Variants in GRIK2 observed in about 807,000 individuals in gnomAD.
GRIK2 encodes glutamate receptor ionotropic, kainate 2.
In GRIK2, 32 loss-of-function variants were observed where a neutral mutation model predicts 100.3. That is an observed-to-expected ratio of 0.32 (90% CI 0.24 to 0.43). The LOEUF (loss-of-function observed/expected upper bound fraction) is 0.43. Ranked by LOEUF, GRIK2 falls within the 20% of genes least tolerant of loss-of-function variation. GRIK2 has a pLI of 1.00. For synonymous variants in GRIK2, 417 were observed against 389.4 expected, an observed-to-expected ratio of 1.07 and a Z score of -0.83; for missense variants, 843 against 1,114.9, an observed-to-expected ratio of 0.76 and a Z score of 3.47.
chr6:101,784,260 A>G (rs1379983024), intron 7 of GRIK2, among the ~76,000 whole-genome samples: 1 of 152,226 alleles, frequency 6.6e-6, no homozygotes, highest in Non-Finnish European at 1.5e-5. Flanking sequence ...TTGGTGCCCT[A>G]TGTCCAGCTA....
intron 2 of GRIK2, among the ~76,000 whole-genome samples, chr6:101,589,409 C>G (rs767231458): frequency 1.3e-5 from 2 of 152,072 alleles, no homozygotes; most frequent in African/African-American, 4.8e-5. Flanking sequence ...TTCCACCTAT[C>G]GGAAGTTTTG....
intron 4 of GRIK2, among the ~76,000 whole-genome samples, chr6:101,636,381 G>T (rs1781014307): frequency 6.6e-6 from 1 of 151,926 alleles, no homozygotes; most frequent in South Asian, 2.1e-4. Context: ...GGATAGCATT[G>T]GGAGAAACTC....
chr6:101,827,180 T>C lies in GRIK2; in HGVS notation c.1317+8697T>C, dbSNP rs949405081. ...TGTTTCTGAAATAAGGTAAATACAG[T>C]TTGCAGAAACTACGTATATGATTAT... On this transcript the variant is annotated intron_variant, in intron 10 of 16. Transcript: ENST00000369134. 2.2e-4 allele frequency among the ~76,000 whole-genome samples: 33 copies of C among 151,982 alleles called. 2 individuals carry two copies. Among genetic ancestry groups the C allele is most frequent in the Admixed American group, 2.0e-3 (31 of 15,236 alleles).
intron 9 of GRIK2, among the ~76,000 whole-genome samples, chr6:101,814,234 A>G (rs970526432): frequency 4.6e-5 from 7 of 152,126 alleles, no homozygotes; most frequent in Non-Finnish European, 8.8e-5. Context: ...GGCTAAATAA[A>G]GATAAGATTC....
chr6:101,450,721 C>T (rs951142207), intron 2 of GRIK2, among the ~76,000 whole-genome samples: 1 of 150,568 alleles, frequency 6.6e-6, no homozygotes, highest in African/African-American at 2.4e-5. Context: ...TTCCAATCCC[C>T]CAAAGAAAGA....
chr6:102,001,017 A>G (rs1258655487), intron 14 of GRIK2, among the ~76,000 whole-genome samples: 3 of 151,866 alleles, frequency 2.0e-5, no homozygotes, highest in Non-Finnish European at 4.4e-5. Context: ...CCAATAAAAT[A>G]TATAATTGAG....
At chr6:101,494,913 G>A (rs1236978497) in intron 2 of GRIK2, among the ~76,000 whole-genome samples, 11 of 148,278 alleles carry the variant, frequency 7.4e-5, no homozygotes, top group African/African-American at 2.7e-4. Flanking sequence ...GAGACAGAGT[G>A]AGACTCTATC....
At chr6:101,698,187 A>C (rs1256411584) in intron 7 of GRIK2, among the ~76,000 whole-genome samples, 1 of 151,852 alleles carries the variant, frequency 6.6e-6, no homozygotes, top group Non-Finnish European at 1.5e-5. Context: ...TCATGACACT[A>C]TCTGAGTAAT....
At position 101,889,620 on chromosome 6, in the gene GRIK2, T is replaced by C; in HGVS notation, c.1525-20T>C. 9.1e-7 allele frequency: 1 copy of C among 1,102,762 alleles called. No homozygotes were observed. Among genetic ancestry groups the C allele is most frequent in the East Asian group, 2.6e-5 (1 of 38,960 alleles). The allele number at this position is 1,102,762 out of a possible 1,614,324, so 68.3% of individuals were successfully genotyped here. ...TTCTTTCTTTCTTTTTTTTTTTTTT[T>C]TGTTTGTTTCTGTCTACAGAAAGCT... is the stretch of plus-strand genomic sequence containing the variant. On this transcript the variant is annotated intron_variant, in intron 11 of 16. Transcript: ENST00000369134.
intron 2 of GRIK2, among the ~76,000 whole-genome samples, chr6:101,572,487 A>C (rs1777584848): frequency 6.6e-6 from 1 of 152,144 alleles, no homozygotes; most frequent in African/African-American, 2.4e-5. Context: ...AGCCAAATTC[A>C]ATTTATGATT....
chr6:101,723,370 A>T (rs1368202461), intron 7 of GRIK2, among the ~76,000 whole-genome samples: 1 of 152,054 alleles, frequency 6.6e-6, no homozygotes, highest in Non-Finnish European at 1.5e-5. Context: ...TGGCAAAATG[A>T]CAAGTTTTCC....
chr6:101,399,175 G>C lies in GRIK2; in HGVS notation c.-103G>C, dbSNP rs1037775868. Reference sequence around the variant, plus strand: ...CTCTCTCTATGACCATGCCGTGATCGTGTCTGCGGTCACCACTCGACGCAT... The same window carrying C: ...CTCTCTCTATGACCATGCCGTGATCCTGTCTGCGGTCACCACTCGACGCAT... On this transcript the variant is annotated 5_prime_UTR_variant, in exon 2 of 17. Transcript: ENST00000369134. The C allele has an allele frequency of 1.4e-6, 1 of 722,976 alleles. No individual in the cohort carries two copies. The highest frequency in any genetic ancestry group is 2.6e-6 in the Non-Finnish European group (1 of 389,558). 44.8% of individuals were successfully genotyped at this position (722,976 alleles called of 1,614,324 possible).
chr6:101,685,565 G>T (rs1771617452), intron 6 of GRIK2, among the ~76,000 whole-genome samples: 2 of 152,124 alleles, frequency 1.3e-5, no homozygotes, highest in Non-Finnish European at 2.9e-5. Flanking sequence ...ACTATATACA[G>T]ACTAGAAAGG....
At chr6:101,427,655 A>C (rs1769113854) in intron 2 of GRIK2, among the ~76,000 whole-genome samples, 1 of 152,170 alleles carries the variant, frequency 6.6e-6, no homozygotes, top group Admixed American at 6.5e-5. Flanking sequence ...ACCAGATTTG[A>C]ATTATGGCAA....
intron 14 of GRIK2, among the ~76,000 whole-genome samples, chr6:101,942,075 T>C (rs1441645253): frequency 6.6e-6 from 1 of 152,144 alleles, no homozygotes; most frequent in Non-Finnish European, 1.5e-5. Flanking sequence ...GTCACGATGA[T>C]GGATGCTCTA....
At chr6:101,813,265 G>A (rs1375255931) in intron 9 of GRIK2, among the ~76,000 whole-genome samples, 4 of 151,966 alleles carry the variant, frequency 2.6e-5, no homozygotes, top group Non-Finnish European at 5.9e-5. Flanking sequence ...ATATGAGGTA[G>A]CTCTCAGTCT....
intron 14 of GRIK2, chr6:101,993,553 C>A (rs1240555522): frequency 6.6e-6 from 1 of 150,932 alleles, no homozygotes; most frequent in Non-Finnish European, 1.5e-5. Flanking sequence ...ATTTCATAAG[C>A]AACCATAAAT....
At chr6:102,004,751 C>CAGAGT (rs1795124347) in intron 14 of GRIK2, among the ~76,000 whole-genome samples, 1 of 151,884 alleles carries the variant, frequency 6.6e-6, no homozygotes, top group Non-Finnish European at 1.5e-5. Context: ...TCCTTAGAAT[C>CAGAGT]AGAGTATAAT....
intron 7 of GRIK2, among the ~76,000 whole-genome samples, chr6:101,778,738 ATTGT>A (rs1292024893): frequency 1.3e-5 from 2 of 152,152 alleles, no homozygotes; most frequent in Non-Finnish European, 2.9e-5. Flanking sequence ...ATAGTTTGGA[ATTGT>A]TTGTTTCTAT....
Sources: gnomAD v4.1 joint callset for allele counts (sites outside exome capture counted in the v4.1 genomes callset) on GRCh38, gnomAD v4.1.1 for gene constraint, MANE v1.5 for transcripts, NCBI Gene and HGNC (gene_info 2026-07-23, HGNC 2026-07-21) for gene names.